SCFD2: variants seen among roughly 807,000 people sequenced by gnomAD.
The protein encoded by SCFD2 is sec1 family domain-containing protein 2.
Under a neutral mutation model 58.9 loss-of-function variants are expected in SCFD2, and 54 were observed. The observed-to-expected ratio is 0.92, with a 90% CI of 0.74 to 1.15. The LOEUF (loss-of-function observed/expected upper bound fraction) is 1.15, where lower values mean the gene tolerates loss of function less well. SCFD2 is among the 50% of genes most tolerant of loss of function. The probability of loss-of-function intolerance (pLI) is 0.00; values close to 1 mark genes in which losing one functional copy is unlikely to be tolerated. For missense variants in SCFD2, 805 were observed against 836.6 expected, an observed-to-expected ratio of 0.96 and a Z score of 0.47; for synonymous variants, 321 against 335.9, an observed-to-expected ratio of 0.96 and a Z score of 0.49.
chr4:53,315,738 C>CA (rs1424511941), intron 2 of SCFD2, among the ~76,000 whole-genome samples: 2 of 152,178 alleles, frequency 1.3e-5, no homozygotes, highest in South Asian at 4.1e-4. Context: ...TATCTCTCCA[C>CA]AAAACACAGG....
At chr4:53,352,228 T>C (rs1047800737) in intron 2 of SCFD2, among the ~76,000 whole-genome samples, 1 of 152,236 alleles carries the variant, frequency 6.6e-6, no homozygotes, top group Non-Finnish European at 1.5e-5. Flanking sequence ...CATTGCTGTT[T>C]GAGTTGCTTT....
chr4:53,244,270 A>G (rs912125317), intron 4 of SCFD2, among the ~76,000 whole-genome samples: 2 of 152,160 alleles, frequency 1.3e-5, no homozygotes, highest in Admixed American at 1.3e-4. Flanking sequence ...TCCACCCCAA[A>G]ACAACAGGAT....
At chr4:52,942,340 G>A (rs1720314720) in intron 5 of SCFD2, among the ~76,000 whole-genome samples, 1 of 152,172 alleles carries the variant, frequency 6.6e-6, no homozygotes. Flanking sequence ...TAGTTTGAAA[G>A]AAGCTGAGAG....
chr4:53,068,550 T>G (rs1320569006), intron 5 of SCFD2, among the ~76,000 whole-genome samples: 1 of 152,080 alleles, frequency 6.6e-6, no homozygotes, highest in Non-Finnish European at 1.5e-5. Context: ...CCTGTGTATA[T>G]ATTTTTAATT....
intron 1 of SCFD2, among the ~76,000 whole-genome samples, chr4:53,356,434 TAGAG>T (rs1560464170): frequency 6.6e-6 from 1 of 152,018 alleles, no homozygotes; most frequent in Non-Finnish European, 1.5e-5. Context: ...TAGACATATA[TAGAG>T]AGAGAGAGAC....
chr4:53,287,598 A>T lies in SCFD2; in HGVS notation c.1136-13597T>A, dbSNP rs531082995. Among the ~76,000 whole-genome samples, 3 of 152,266 alleles carry T rather than the reference A, an allele frequency of 2.0e-5. 1 individual carries two copies. In the East Asian group the frequency reaches 5.8e-4, roughly 29 times the overall value. ...CACCTGCAGGTGAAAGTCTCTCCCT[A>T]CAAAAGCCACTCTATAAATTGGGAA... On this transcript the variant is annotated intron_variant, in intron 3 of 8. Transcript: ENST00000401642.
chr4:53,215,961 A>C (rs1728814089), intron 4 of SCFD2, among the ~76,000 whole-genome samples: 1 of 152,196 alleles, frequency 6.6e-6, no homozygotes, highest in Non-Finnish European at 1.5e-5. Context: ...TGATTTGCTT[A>C]CGTTGAACCA....
intron 5 of SCFD2, among the ~76,000 whole-genome samples, chr4:53,033,614 C>T (rs764853929): frequency 1.3e-5 from 2 of 151,978 alleles, no homozygotes; most frequent in Non-Finnish European, 2.9e-5. Context: ...CAAATAGATG[C>T]AATAAAAAAA....
In SCFD2 at chr4:53,175,975, A is replaced by G. The variant is rs547649215; in HGVS notation, c.1312-30393T>C. Reference sequence around the variant, plus strand: ...TAACTATTGAGATGATTCTTCTCCCATTCCATTCTTCACACCTTTCTACTT... The same window carrying G: ...TAACTATTGAGATGATTCTTCTCCCGTTCCATTCTTCACACCTTTCTACTT... On this transcript the variant is annotated intron_variant, in intron 4 of 8. Coordinates refer to ENST00000401642, the MANE Select transcript of SCFD2 (RefSeq NM_152540.4). Among the ~76,000 whole-genome samples, 3 of 152,324 alleles carry G rather than the reference A, an allele frequency of 2.0e-5. No individual in the cohort carries two copies. In the East Asian group the frequency reaches 5.8e-4, roughly 29 times the overall value.
chr4:53,303,753 C>T (rs376818772), intron 3 of SCFD2, among the ~76,000 whole-genome samples: 1 of 151,840 alleles, frequency 6.6e-6, no homozygotes, highest in East Asian at 1.9e-4. Flanking sequence ...ACATATACAC[C>T]ATGGAATACT....
At chr4:53,016,117 T>C (rs1722208428) in intron 5 of SCFD2, among the ~76,000 whole-genome samples, 1 of 152,136 alleles carries the variant, frequency 6.6e-6, no homozygotes, top group Non-Finnish European at 1.5e-5. Context: ...AACAAGCACA[T>C]AAAATTAAAA....
intron 4 of SCFD2, among the ~76,000 whole-genome samples, chr4:53,195,984 CAAG>C (rs1007367414): frequency 6.6e-6 from 1 of 152,122 alleles, no homozygotes; most frequent in African/African-American, 2.4e-5. Flanking sequence ...CCAAATATTT[CAAG>C]CCTCATCTGT....
intron 4 of SCFD2, among the ~76,000 whole-genome samples, chr4:53,191,642 T>C (rs1180269588): frequency 6.6e-6 from 1 of 152,116 alleles, no homozygotes; most frequent in African/African-American, 2.4e-5. Flanking sequence ...CCTGGCCTCG[T>C]GATCCACCTG....
At chr4:53,217,029 G>T in intron 4 of SCFD2, among the ~76,000 whole-genome samples, 1 of 152,146 alleles carries the variant, frequency 6.6e-6, no homozygotes, top group Non-Finnish European at 1.5e-5. Flanking sequence ...TATAATTTCT[G>T]TTCTTTTACA....
chr4:52,978,612 A>C (rs1434164189), intron 5 of SCFD2, among the ~76,000 whole-genome samples: 1 of 152,086 alleles, frequency 6.6e-6, no homozygotes, highest in African/African-American at 2.4e-5. Context: ...TTGATTTCCT[A>C]AATATTGGAT....
intron 7 of SCFD2, among the ~76,000 whole-genome samples, chr4:52,899,821 C>T (rs1478579020): frequency 6.6e-6 from 1 of 152,092 alleles, no homozygotes; most frequent in Non-Finnish European, 1.5e-5. Flanking sequence ...TCATATAGTC[C>T]CATATTTCTT....
At chr4:53,303,708 T>C (rs1348570842) in intron 3 of SCFD2, among the ~76,000 whole-genome samples, 1 of 151,942 alleles carries the variant, frequency 6.6e-6, no homozygotes, top group Non-Finnish European at 1.5e-5. Flanking sequence ...AACCCAAATG[T>C]CCAGCAATGA....
chr4:53,082,862 T>C (rs968359996), intron 5 of SCFD2, among the ~76,000 whole-genome samples: 1 of 152,212 alleles, frequency 6.6e-6, no homozygotes, highest in African/African-American at 2.4e-5. Flanking sequence ...CTTCAGGTTT[T>C]AACTAGAATT....
chr4:53,054,009 G>C (rs1195533436), intron 5 of SCFD2, among the ~76,000 whole-genome samples: 1 of 151,810 alleles, frequency 6.6e-6, no homozygotes, highest in African/African-American at 2.4e-5. Flanking sequence ...GTCACCCTCT[G>C]GTCTCTGAAA....
Sources: gnomAD v4.1 joint callset for allele counts (sites outside exome capture counted in the v4.1 genomes callset) on GRCh38, gnomAD v4.1.1 for gene constraint, MANE v1.5 for transcripts, NCBI Gene and HGNC (gene_info 2026-07-23, HGNC 2026-07-21) for gene names.